OSBPL5: variants seen among roughly 807,000 people sequenced by gnomAD.
The protein encoded by OSBPL5 is oxysterol binding protein like 5, also known as oxysterol-binding protein-related protein 5.
In OSBPL5, 71 loss-of-function variants were observed where a neutral mutation model predicts 111.2. That is an observed-to-expected ratio of 0.64 (90% CI 0.53 to 0.78). The LOEUF (loss-of-function observed/expected upper bound fraction) is 0.78, where lower values mean the gene tolerates loss of function less well. Ranked by LOEUF, OSBPL5 falls within the 30% of genes least tolerant of loss-of-function variation. OSBPL5 has a pLI of 0.00. For missense variants in OSBPL5, 1,210 were observed against 1,189.3 expected (o/e 1.02, Z -0.26); for synonymous variants, 549 against 513.9 (o/e 1.07, Z -0.93).
chr11:3,090,532 T>G (rs1554893042), intron 20 of OSBPL5, 26 bp downstream of exon 20: 1 of 1,606,674 alleles, frequency 6.2e-7, no homozygotes, highest in Non-Finnish European at 8.5e-7. Context: ...GACAGAGGCC[T>G]TGGGGCTGGG....
intron 1 of OSBPL5, among the ~76,000 whole-genome samples, chr11:3,135,387 C>T (rs940719080): frequency 1.8e-4 from 28 of 152,006 alleles, no homozygotes; most frequent in Non-Finnish European, 3.7e-4. Flanking sequence ...TGCTAAGGGC[C>T]GGGGAACGTT....
intron 7 of OSBPL5, among the ~76,000 whole-genome samples, chr11:3,112,056 CAT>C (rs1564837567): frequency 0.26 from 6,678 of 25,824 alleles, 85 homozygotes; most frequent in Admixed American, 0.31. Flanking sequence ...CATGTGTGTG[CAT>C]GTGTATGTGT....
Position 3,107,971 on chromosome 11 carries a change from C to T in OSBPL5, c.692-26G>A. 3 of 595,524 alleles carry T rather than the reference C, an allele frequency of 5.0e-6. No individual in the cohort carries two copies. The highest frequency in any genetic ancestry group is 7.3e-6 in the Non-Finnish European group (3 of 412,084). 36.9% of individuals were successfully genotyped at this position (595,524 alleles called of 1,614,324 possible). A position where few individuals can be genotyped will look rare whatever the true frequency, so the allele number is the denominator to read the frequency against. ...CTGCGGGGCACACGGGATGAGCATG[C>T]CCCACCCCCACCTCTGTATATCCCG... On this transcript the variant is annotated intron_variant, in intron 7 of 21. Coordinates refer to ENST00000263650, the MANE Select transcript of OSBPL5 (RefSeq NM_020896.4). This position sits in a 1 kb window ranked among gnomAD's most constrained non-coding sequence, Gnocchi z 6.1.
chr11:3,112,122 T>C (rs758643368), intron 7 of OSBPL5, among the ~76,000 whole-genome samples: 13,543 of 148,996 alleles, frequency 0.091, 638 homozygotes, highest in South Asian at 0.16. Flanking sequence ...CATGTGTGTG[T>C]GTGCGCATAT....
chr11:3,133,800 C>T (rs1245151630), intron 1 of OSBPL5, among the ~76,000 whole-genome samples: 4 of 152,216 alleles, frequency 2.6e-5, no homozygotes, highest in Admixed American at 6.5e-5. Flanking sequence ...AGTGCCCCTC[C>T]CACGGTGAGA....
rs1266106853 is a variant in OSBPL5, at chr11:3,109,767, G to A, written c.692-1822C>T. Among the ~76,000 whole-genome samples, 1 of 152,150 alleles carries A rather than the reference G, an allele frequency of 6.6e-6. No individual in the cohort carries two copies. The highest frequency in any genetic ancestry group is 2.4e-5 in the African/African-American group (1 of 41,422). ...GGGAGCTGGAGGGGTCACAACTGCC[G>A]AGTTGGCCCCAGGGCCTGAACACGT... is the stretch of plus-strand genomic sequence containing the variant. On this transcript the variant is annotated intron_variant, in intron 7 of 21. Transcript: ENST00000263650. This position sits in a 1 kb window ranked among gnomAD's most constrained non-coding sequence, Gnocchi z 7.4.
chr11:3,114,573 G>C (rs982800071), intron 7 of OSBPL5, among the ~76,000 whole-genome samples: 1 of 129,402 alleles, frequency 7.7e-6, no homozygotes, highest in Non-Finnish European at 1.6e-5. Flanking sequence ...ATAGACTAAA[G>C]AATTGGTTAG....
In OSBPL5 at chr11:3,104,249, C is replaced by T. The variant is rs753169874; in HGVS notation, c.1188G>A (p.Pro396=). The T allele has an allele frequency of 1.1e-5, 17 of 1,613,420 alleles. No individual in the cohort carries two copies. Among genetic ancestry groups the T allele is most frequent in the Admixed American group, 3.3e-5 (2 of 59,996 alleles). ...RVVLPTFVLE[P]RSFLNKLSDY... ...CGGAGAGCTTGTTCAGGAAGGAGCG[C>T]GGCTCCAGTACGAACGTGGGTAGCA... The change falls in exon 10 of 22, where the codon CCG becomes CCA. Residue 396 remains proline (P), a synonymous_variant. Transcript: ENST00000263650. The surrounding 1 kb of genome is among the most constrained non-coding windows in gnomAD (Gnocchi z 5.0).
At chr11:3,164,822 T>C (rs1024382697) in intron 1 of OSBPL5, among the ~76,000 whole-genome samples, 1 of 152,144 alleles carries the variant, frequency 6.6e-6, no homozygotes, top group African/African-American at 2.4e-5. Context: ...GACCCCCTGA[T>C]TGGCCAGGGT....
At chr11:3,102,156 G>A (rs758267589) in intron 12 of OSBPL5, 27 bp downstream of exon 12, 1 of 1,564,026 alleles carries the variant, frequency 6.4e-7, no homozygotes. Flanking sequence ...CCAGCACCCA[G>A]GCCGGTTGCA....
At chr11:3,108,035 T>G in intron 7 of OSBPL5, 90 bp from the exon 8 acceptor site, 1 of 1,495,042 alleles carries the variant, frequency 6.7e-7, no homozygotes, top group Non-Finnish European at 8.9e-7. Flanking sequence ...CCCCTCACTC[T>G]GACTCTTCAG....
In OSBPL5 at chr11:3,132,970, C is replaced by T. The variant is rs140888566; in HGVS notation, c.-21-3801G>A. Among the ~76,000 whole-genome samples the T allele has an allele frequency of 2.9e-3, 445 of 151,892 alleles. 3 individuals are homozygous for T. Among genetic ancestry groups the T allele is most frequent in the Non-Finnish European group, 3.0e-3 (205 of 67,898 alleles). On this transcript the variant is annotated intron_variant, in intron 1 of 21. Transcript: ENST00000263650. The stretch of plus-strand genomic sequence containing the variant: ...AGGGTGGAGACCCTCGGTGGTTGTG[C>T]AGCAGGCACTCCCCATTGGAGGTGC...
chr11:3,126,755 T>C lies in OSBPL5; in HGVS notation c.137-200A>G. The C allele has an allele frequency of 2.1e-6, 1 of 473,568 alleles. No individual in the cohort carries two copies. Among genetic ancestry groups the C allele is most frequent in the Non-Finnish European group, 3.8e-6 (1 of 263,546 alleles). The allele number at this position is 473,568 out of a possible 1,614,324, so 29.3% of individuals were successfully genotyped here. A position where few individuals can be genotyped will look rare whatever the true frequency, so the allele number is the denominator to read the frequency against. ...AGCAAGCGTCACTGTGGGAGGAGTG[T>C]GCCAGGAGAACTGGCAGGGCCTCCA... On this transcript the variant is annotated intron_variant, in intron 2 of 21. Transcript: ENST00000263650. This position sits in a 1 kb window ranked among gnomAD's most constrained non-coding sequence, Gnocchi z 6.5.
intron 1 of OSBPL5, among the ~76,000 whole-genome samples, chr11:3,151,494 G>A (rs761859460): frequency 2.0e-5 from 3 of 152,178 alleles, no homozygotes; most frequent in East Asian, 1.9e-4. Flanking sequence ...TGACCTGGCC[G>A]CTTCCTGCCA....
chr11:3,158,485 G>A (rs1034380379), intron 1 of OSBPL5, among the ~76,000 whole-genome samples: 3 of 152,250 alleles, frequency 2.0e-5, no homozygotes, highest in African/African-American at 7.2e-5. Flanking sequence ...AGACAGCAGG[G>A]TGGAGATTTG....
At chr11:3,134,267 A>G (rs990089114) in intron 1 of OSBPL5, among the ~76,000 whole-genome samples, 3 of 152,168 alleles carry the variant, frequency 2.0e-5, no homozygotes, top group Non-Finnish European at 4.4e-5. Context: ...GCTCTCCTCC[A>G]GGGGCCCTGT....
intron 7 of OSBPL5, among the ~76,000 whole-genome samples, chr11:3,112,015 A>ACG (rs1857975495): frequency 1.3e-5 from 1 of 79,098 alleles, no homozygotes; most frequent in Non-Finnish European, 3.1e-5. Context: ...GTGTGCGCGC[A>ACG]TGTGTGTGCA....
rs553365109 is a variant in OSBPL5, at chr11:3,102,089, C to T, written c.1425+94G>A. ...CCCTGGAAGCCGGCCCTCGGGGTCA[C>T]GCTTGCCCCTGCCTGCTGCCAGGGC... On this transcript the variant is annotated intron_variant, in intron 12 of 21. Coordinates refer to ENST00000263650, the MANE Select transcript of OSBPL5 (RefSeq NM_020896.4). The T allele has an allele frequency of 1.1e-3, 1,425 of 1,342,624 alleles. 2 individuals carry two copies. Among genetic ancestry groups the T allele is most frequent in the Admixed American group, 1.4e-3 (68 of 49,394 alleles). 83.2% of individuals were successfully genotyped at this position (1,342,624 alleles called of 1,614,324 possible).
At chr11:3,135,322 C>T (rs981831438) in intron 1 of OSBPL5, among the ~76,000 whole-genome samples, 4 of 152,220 alleles carry the variant, frequency 2.6e-5, no homozygotes, top group African/African-American at 9.6e-5. Context: ...GCCAACTCTG[C>T]ATCTCTAGAA....
Sources: gnomAD v4.1 joint callset for allele counts (sites outside exome capture counted in the v4.1 genomes callset) on GRCh38, gnomAD v4.1.1 for gene constraint, Gnocchi (gnomAD v3.1) non-coding constraint, MANE v1.5 for transcripts, NCBI Gene and HGNC (gene_info 2026-07-23, HGNC 2026-07-21) for gene names.